RUBCN: variants seen among roughly 807,000 people sequenced by gnomAD.
The protein encoded by RUBCN is rubicon autophagy regulator.
A neutral mutation model predicts 113.2 loss-of-function variants in RUBCN; 74 were observed. That is an observed-to-expected ratio of 0.65 (90% CI 0.54 to 0.79). The LOEUF (loss-of-function observed/expected upper bound fraction) is 0.79. Among genes scored for constraint, RUBCN ranks in the 30% least tolerant of loss-of-function variants. RUBCN has a pLI of 0.00. For missense variants in RUBCN, 1,109 were observed against 1,251.7 expected, an observed-to-expected ratio of 0.89 and a Z score of 1.72; for synonymous variants, 480 against 490.0, an observed-to-expected ratio of 0.98 and a Z score of 0.27.
upstream of RUBCN, among the ~76,000 whole-genome samples, chr3:197,740,873 A>G (rs1277791932): frequency 1.3e-5 from 2 of 152,098 alleles, no homozygotes; most frequent in Non-Finnish European, 2.9e-5. Context: ...TGCCCACCTC[A>G]GCCTCCCAAA....
Position 197,674,748 on chromosome 3 carries a change from A to C in RUBCN, c.*270T>G. 2 of 491,742 alleles carry C rather than the reference A, an allele frequency of 4.1e-6. No homozygotes were observed. The highest frequency in any genetic ancestry group is 3.7e-5 in the East Asian group (1 of 27,244). The allele number at this position is 491,742 out of a possible 1,614,324, so 30.5% of individuals were successfully genotyped here. A position where few individuals can be genotyped will look rare whatever the true frequency, so the allele number is the denominator to read the frequency against. ...TGTCTCTTCCACTGACAGAGGCACT[A>C]GAAGCTTCACTGAAGGACCCGCATG... On this transcript the variant is annotated 3_prime_UTR_variant, in exon 20 of 20. Coordinates refer to ENST00000296343, the MANE Select transcript of RUBCN (RefSeq NM_014687.4).
At chr3:197,727,341 CA>C (rs1726876209) in intron 1 of RUBCN, among the ~76,000 whole-genome samples, 1 of 152,200 alleles carries the variant, frequency 6.6e-6, no homozygotes, top group Non-Finnish European at 1.5e-5. Context: ...GTGTAACTGA[CA>C]ATCTAGGGGA....
At chr3:197,727,714 G>A (rs1473542079) in intron 1 of RUBCN, among the ~76,000 whole-genome samples, 1 of 152,176 alleles carries the variant, frequency 6.6e-6, no homozygotes, top group Non-Finnish European at 1.5e-5. Flanking sequence ...CTTTTATATG[G>A]TAAAGACTTA....
upstream of RUBCN, among the ~76,000 whole-genome samples, chr3:197,741,693 G>A (rs1367434117): frequency 6.6e-6 from 1 of 151,842 alleles, no homozygotes; most frequent in East Asian, 2.0e-4. Flanking sequence ...CATGGTGGTG[G>A]GCGCCTGTAA....
intron 11 of RUBCN, among the ~76,000 whole-genome samples, chr3:197,688,279 G>A (rs1374758945): frequency 2.0e-5 from 3 of 152,006 alleles, no homozygotes; most frequent in South Asian, 2.1e-4. Context: ...TGCCCGCCTC[G>A]GCCTCCCAAA....
intron 11 of RUBCN, among the ~76,000 whole-genome samples, chr3:197,684,609 A>C (rs1034104100): frequency 1.2e-4 from 18 of 151,984 alleles, no homozygotes; most frequent in Admixed American, 1.1e-3. Flanking sequence ...AACCTTTCTC[A>C]AATGGTAAGC....
At chr3:197,680,740 G>T (rs535808830) in intron 16 of RUBCN, among the ~76,000 whole-genome samples, 46 of 152,088 alleles carry the variant, frequency 3.0e-4, no homozygotes, top group Non-Finnish European at 6.0e-4. Flanking sequence ...CTCGATACCC[G>T]ATTCCTCATT....
chr3:197,697,050 C>G lies in RUBCN; in HGVS notation c.1262-1G>C. ...AACTTCGCCTTATCATTGCAGGATT[C>G]TAATGACGATGACCACCAGCGAGTA... is the stretch of plus-strand genomic sequence containing the variant. On this transcript the variant is annotated splice_acceptor_variant, in intron 7 of 19. Transcript: ENST00000296343. LOFTEE classifies it high-confidence loss of function. 6.5e-7 allele frequency: 1 copy of G among 1,527,092 alleles called. No individual in the cohort carries two copies. Among genetic ancestry groups the G allele is most frequent in the Non-Finnish European group, 9.1e-7 (1 of 1,100,844 alleles). 94.6% of individuals were successfully genotyped at this position (1,527,092 alleles called of 1,614,324 possible).
At chr3:197,725,520 C>CTTTTTTTTTTTTTTTTT (rs10718685) in intron 1 of RUBCN, among the ~76,000 whole-genome samples, 2 of 75,316 alleles carry the variant, frequency 2.7e-5, no homozygotes, top group Non-Finnish European at 4.9e-5. Context: ...ACAGGAGAAT[C>CTTTTTTTTTTTTTTTTT]TTTTTTTTTT....
At chr3:197,749,669 C>T (rs1234226140) in exon 1 of RUBCN, 1 of 745,288 alleles carries the variant, frequency 1.3e-6, no homozygotes, top group South Asian at 1.4e-5. Flanking sequence ...GGTCTAGCAT[C>T]CCCCAGTTTG....
intron 1 of RUBCN, 118 bp downstream of exon 1, chr3:197,736,537 C>T (rs990361403): frequency 5.4e-6 from 5 of 928,464 alleles, no homozygotes; most frequent in Non-Finnish European, 6.7e-6. Flanking sequence ...TCCTCCGCAG[C>T]CGTCGTCCTC....
chr3:197,695,816 G>A (rs1722936593), intron 9 of RUBCN, 50 bp downstream of exon 9: 1 of 1,529,230 alleles, frequency 6.5e-7, no homozygotes, highest in Admixed American at 1.7e-5. Flanking sequence ...CAGACCTTCA[G>A]ACCCAATCTC....
chr3:197,674,892 A>C lies in RUBCN; in HGVS notation c.*126T>G. On this transcript the variant is annotated 3_prime_UTR_variant, in exon 20 of 20. Coordinates refer to ENST00000296343, the MANE Select transcript of RUBCN (RefSeq NM_014687.4). Reference sequence around the variant, plus strand: ...TCAGACAAGTCAGTAAAAAAAAAAAAAAAGATGATGATAATTAAAAAAAAA... The same window carrying C: ...TCAGACAAGTCAGTAAAAAAAAAAACAAAGATGATGATAATTAAAAAAAAA... 1 of 793,526 alleles carries C rather than the reference A, an allele frequency of 1.3e-6. No individual in the cohort carries two copies. The highest frequency in any genetic ancestry group is 1.9e-6 in the Non-Finnish European group (1 of 528,872). The allele number at this position is 793,526 out of a possible 1,614,324, so 49.2% of individuals were successfully genotyped here.
At chr3:197,686,578 T>A (rs1181578533) in intron 11 of RUBCN, among the ~76,000 whole-genome samples, 1 of 152,156 alleles carries the variant, frequency 6.6e-6, no homozygotes, top group Non-Finnish European at 1.5e-5. Context: ...GACAACTAAG[T>A]TGACACGGGT....
rs1721223881 is a variant in RUBCN at position 197,681,392 on chromosome 3, G to T, written c.2192-25C>A. The T allele has an allele frequency of 1.3e-6, 2 of 1,568,910 alleles. No homozygotes were observed. The highest frequency in any genetic ancestry group is 1.7e-4 in the Middle Eastern group (1 of 5,966). On this transcript the variant is annotated intron_variant, in intron 15 of 19. Coordinates refer to ENST00000296343, the MANE Select transcript of RUBCN (RefSeq NM_014687.4). The surrounding 1 kb of genome is among the most constrained non-coding windows in gnomAD (Gnocchi z 5.5). ...TCTGGAAAAACCGGAAAGCCAGAAA[G>T]CCAGATGTAACTTTCCCATCTACAA... is the stretch of plus-strand genomic sequence containing the variant.
intron 16 of RUBCN, among the ~76,000 whole-genome samples, chr3:197,679,524 C>T (rs1380268546): frequency 6.7e-6 from 1 of 148,734 alleles, no homozygotes; most frequent in Non-Finnish European, 1.5e-5. Flanking sequence ...TAACTGACAA[C>T]TGGCTCCAGA....
rs1423602086 is a variant in RUBCN, at chr3:197,672,675, G to A, written c.*2343C>T. On this transcript the variant is annotated 3_prime_UTR_variant, in exon 20 of 20. Transcript: ENST00000296343. ...CATCTGTCCTCCAGCGCAGTGACCT[G>A]GAGAAAGAGCTGGATGTGTCACCTT... 6.6e-6 allele frequency: 1 copy of A among 152,330 alleles called. No homozygotes were observed. Among genetic ancestry groups the A allele is most frequent in the East Asian group, 1.9e-4 (1 of 5,196 alleles). 9.4% of individuals were successfully genotyped at this position (152,330 alleles called of 1,614,324 possible). A position where few individuals can be genotyped will look rare whatever the true frequency, so the allele number is the denominator to read the frequency against.
In RUBCN at chr3:197,694,582, T is replaced by C. The variant is rs1231291107; in HGVS notation, c.1477A>G (p.Asn493Asp). The C allele has an allele frequency of 6.2e-7, 1 of 1,613,862 alleles. No homozygotes were observed. Among genetic ancestry groups the C allele is most frequent in the Non-Finnish European group, 8.5e-7 (1 of 1,179,892 alleles). Residue 493 changes from asparagine (N) to aspartate (D), a missense_variant, in exon 10 of 20, where the codon AAT becomes GAT. Asn to Asp is a conservative substitution (Grantham distance 23). Transcript: ENST00000296343. ...FGSCADLEKENAHFSISESLI... is the reference protein window; with the variant it reads ...FGSCADLEKEDAHFSISESLI... ...GACTCTGAGATGCTGAAGTGGGCATTCTCCTGGCGGAAGGAGAGCACCAAA... is the reference window on the plus strand; with the variant it reads ...GACTCTGAGATGCTGAAGTGGGCATCCTCCTGGCGGAAGGAGAGCACCAAA...
chr3:197,703,445 A>C (rs562568076), intron 5 of RUBCN, 103 bp downstream of exon 5: 52 of 487,772 alleles, frequency 1.1e-4, no homozygotes, highest in African/African-American at 9.5e-4. Flanking sequence ...CAAGCCTTTC[A>C]GCTCACAAAA....
Sources: gnomAD v4.1 joint callset for allele counts (sites outside exome capture counted in the v4.1 genomes callset) on GRCh38, gnomAD v4.1.1 for gene constraint, Gnocchi (gnomAD v3.1) non-coding constraint, MANE v1.5 for transcripts, NCBI Gene and HGNC (gene_info 2026-07-23, HGNC 2026-07-21) for gene names.